MAP2K6: variants seen among roughly 807,000 people sequenced by gnomAD.
The protein encoded by MAP2K6 is dual specificity mitogen-activated protein kinase kinase 6.
MAP2K6 carries 16 observed loss-of-function variants against 53.7 expected under a neutral mutation model. The ratio of observed to expected loss-of-function variants is 0.30; its 90% CI spans 0.20 to 0.45. MAP2K6 has a LOEUF of 0.45. MAP2K6 is among the 20% of genes least tolerant of loss of function. The pLI is 1.00. For synonymous variants in MAP2K6, 132 were observed against 143.1 expected (o/e 0.92, Z 0.55); for missense variants, 204 against 411.9 (o/e 0.50, Z 4.37).
chr17:69,513,338 A>G (rs367625008), intron 2 of MAP2K6, among the ~76,000 whole-genome samples: 102 of 152,320 alleles, frequency 6.7e-4, no homozygotes, highest in African/African-American at 2.3e-3. Flanking sequence ...CTCTTAGCCC[A>G]GTTTTTTATA....
At chr17:69,479,201 C>T (rs1908263966) in intron 1 of MAP2K6, among the ~76,000 whole-genome samples, 1 of 152,070 alleles carries the variant, frequency 6.6e-6, no homozygotes, top group South Asian at 2.1e-4. Flanking sequence ...ACTACAATAG[C>T]TGTAGCTATT....
At chr17:69,512,272 G>C (rs1909862184) in intron 2 of MAP2K6, among the ~76,000 whole-genome samples, 1 of 149,018 alleles carries the variant, frequency 6.7e-6, no homozygotes, top group African/African-American at 2.5e-5. Flanking sequence ...AGCATACTGT[G>C]CATGAGAAGC....
chr17:69,439,712 A>G (rs927196208), intron 1 of MAP2K6, among the ~76,000 whole-genome samples: 7 of 152,170 alleles, frequency 4.6e-5, no homozygotes, highest in African/African-American at 7.2e-5. Flanking sequence ...TCTTCTGTGT[A>G]TGCCCTCTTG....
chr17:69,549,321 T>G lies in MAP2K6; in HGVS notation c.*7568T>G, dbSNP rs150960223. The G allele has an allele frequency of 5.3e-5, 8 of 152,340 alleles. No individual in the cohort carries two copies. The East Asian group carries it at 1.5e-3, about 29-fold the overall frequency. 9.4% of individuals were successfully genotyped at this position (152,340 alleles called of 1,614,324 possible). The stretch of plus-strand genomic sequence containing the variant: ...AGGCTAATGTTTAAGGCCTGGAGGC[T>G]GAATTCAGGGAGCGTATTGGCAAGT... On this transcript the variant is annotated 3_prime_UTR_variant, in exon 12 of 12. Transcript: ENST00000590474.
At position 69,552,799 on chromosome 17, in the gene MAP2K6, C is replaced by A. The variant is rs933115419; in HGVS notation, c.*11046C>A. On this transcript the variant is annotated 3_prime_UTR_variant, in exon 12 of 12. Transcript: ENST00000590474. ...TCTTTGCCTGTTGGCTTTGGTGGCTCCAAACATTTTCATTTTAGGCTAGCT... is the reference window on the plus strand; with the variant it reads ...TCTTTGCCTGTTGGCTTTGGTGGCTACAAACATTTTCATTTTAGGCTAGCT... The A allele has an allele frequency of 1.3e-5, 2 of 152,032 alleles. No homozygotes were observed. The highest frequency in any genetic ancestry group is 4.8e-5 in the African/African-American group (2 of 41,390). The allele number at this position is 152,032 out of a possible 1,614,324, so 9.4% of individuals were successfully genotyped here.
At chr17:69,517,717 G>A in intron 4 of MAP2K6, 104 bp downstream of exon 4, 1 of 600,154 alleles carries the variant, frequency 1.7e-6, no homozygotes, top group East Asian at 3.3e-5. Context: ...ATCTTCCGTA[G>A]GGTAAAACAG....
At chr17:69,459,562 A>G (rs1280916731) in intron 1 of MAP2K6, among the ~76,000 whole-genome samples, 1 of 151,916 alleles carries the variant, frequency 6.6e-6, no homozygotes, top group African/African-American at 2.4e-5. Flanking sequence ...AGATACAAAA[A>G]TTAGCCAGAT....
At chr17:69,523,107 T>G (rs1910567077) in intron 7 of MAP2K6, among the ~76,000 whole-genome samples, 1 of 152,166 alleles carries the variant, frequency 6.6e-6, no homozygotes, top group Non-Finnish European at 1.5e-5. Flanking sequence ...TTGGTCATAT[T>G]TGGTGTATCA....
chr17:69,479,406 G>A (rs1037241916), intron 1 of MAP2K6, among the ~76,000 whole-genome samples: 2 of 151,950 alleles, frequency 1.3e-5, no homozygotes, highest in African/African-American at 4.8e-5. Flanking sequence ...TTAAAATATT[G>A]TATAAAATTA....
In MAP2K6 at chr17:69,524,948, G is replaced by A; in HGVS notation, c.711G>A (p.Lys237=). 1 of 1,613,410 alleles carries A rather than the reference G, an allele frequency of 6.2e-7. No individual in the cohort carries two copies. The highest frequency in any genetic ancestry group is 1.7e-5 in the Admixed American group (1 of 60,004). The change falls in exon 9 of 12, where the codon AAG becomes AAA. Residue 237 remains lysine (K), a synonymous_variant. Transcript: ENST00000590474. Reference sequence around the variant, plus strand: ...TCAACCAGAAGGGATACAGTGTGAAGTCTGACATTTGGAGTCTGGGCATCA... The same window carrying A: ...TCAACCAGAAGGGATACAGTGTGAAATCTGACATTTGGAGTCTGGGCATCA... The part of the protein sequence containing the change: ...PELNQKGYSV[K]SDIWSLGITM...
rs1407902669 is a variant in MAP2K6, at chr17:69,548,922, G to A, written c.*7169G>A. 1 of 152,116 alleles carries A rather than the reference G, an allele frequency of 6.6e-6. No individual in the cohort carries two copies. The highest frequency in any genetic ancestry group is 1.5e-5 in the Non-Finnish European group (1 of 68,016). The allele number at this position is 152,116 out of a possible 1,614,324, so 9.4% of individuals were successfully genotyped here. On this transcript the variant is annotated 3_prime_UTR_variant, in exon 12 of 12. Transcript: ENST00000590474. ...CCTCTGAAAGCCTCTTTGCTATAGA[G>A]GTGATGAAGGCACTTGCTAGCCTAA...
chr17:69,502,098 T>G, intron 1 of MAP2K6: 2 of 886,722 alleles, frequency 2.3e-6, no homozygotes, highest in Non-Finnish European at 2.7e-6. Context: ...ACTGTCCAGA[T>G]TTATAGATTT....
intron 1 of MAP2K6, among the ~76,000 whole-genome samples, chr17:69,480,083 T>C (rs1384298877): frequency 6.6e-6 from 1 of 152,206 alleles, no homozygotes; most frequent in African/African-American, 2.4e-5. Context: ...AGGTTGAATT[T>C]TTTTTATTTG....
chr17:69,476,545 G>A (rs138799700), intron 1 of MAP2K6, among the ~76,000 whole-genome samples: 3 of 152,256 alleles, frequency 2.0e-5, no homozygotes, highest in East Asian at 3.9e-4. Flanking sequence ...GACATATATC[G>A]ATCCCTGGGT....
rs931344131 is a variant in MAP2K6, at chr17:69,462,315, T to A, written c.17-43465T>A. ...GTACATTATTACGAGAGTAAAGAGATGCTTGGCTGGTCTCTGTGGACTCCA... is the reference window on the plus strand; with the variant it reads ...GTACATTATTACGAGAGTAAAGAGAAGCTTGGCTGGTCTCTGTGGACTCCA... On this transcript the variant is annotated intron_variant, in intron 1 of 11. Transcript: ENST00000590474. 3.9e-5 allele frequency among the ~76,000 whole-genome samples: 6 copies of A among 152,208 alleles called. No individual in the cohort carries two copies. The Middle Eastern group carries it at 0.01, about 259-fold the overall frequency.
chr17:69,521,074 A>G lies in MAP2K6; in HGVS notation c.509A>G (p.His170Arg), dbSNP rs765320378. Residue 170 changes from histidine (H) to arginine (R), a missense_variant, in exon 7 of 12, where the codon CAT becomes CGT. This residue lies in a region of MAP2K6 where 129 missense variants were observed against 247.1 expected (regional missense o/e 0.52). Transcript: ENST00000590474. ...ATTGTAAAAGCATTAGAACATTTAC[A>G]TAGTAAGCTGTCTGTCATTCACAGA... is the stretch of plus-strand genomic sequence containing the variant. ...VSIVKALEHLHSKLSVIHRDV... is the reference protein window; with the variant it reads ...VSIVKALEHLRSKLSVIHRDV... 1.2e-6 allele frequency: 2 copies of G among 1,609,876 alleles called. No individual in the cohort carries two copies. The highest frequency in any genetic ancestry group is 8.5e-7 in the Non-Finnish European group (1 of 1,178,022).
intron 1 of MAP2K6, among the ~76,000 whole-genome samples, chr17:69,417,846 C>T (rs1234960591): frequency 1.3e-5 from 2 of 152,184 alleles, no homozygotes; most frequent in African/African-American, 4.8e-5. Flanking sequence ...CCTGAAAATA[C>T]ACAAAAAGTT....
At chr17:69,520,609 T>A (rs1272561194) in intron 6 of MAP2K6, 2 of 509,904 alleles carry the variant, frequency 3.9e-6, no homozygotes, top group African/African-American at 3.9e-5. Context: ...TAAATGACTC[T>A]AAGTGCTGCA....
At chr17:69,438,732 C>T (rs1906725623) in intron 1 of MAP2K6, among the ~76,000 whole-genome samples, 2 of 152,110 alleles carry the variant, frequency 1.3e-5, no homozygotes, top group South Asian at 4.1e-4. Context: ...GGTGCACCAC[C>T]ACACTGGACT....
Sources: gnomAD v4.1 joint callset for allele counts (sites outside exome capture counted in the v4.1 genomes callset) on GRCh38, gnomAD v4.1.1 for gene constraint, gnomAD v4.1.1 regional missense constraint, MANE v1.5 for transcripts, NCBI Gene and HGNC (gene_info 2026-07-23, HGNC 2026-07-21) for gene names.